The following CACNB2 variants were observed in gnomAD, a reference collection of about 807,000 sequenced individuals.
The protein encoded by CACNB2 is voltage-dependent L-type calcium channel subunit beta-2.
Under a neutral mutation model 73.3 loss-of-function variants are expected in CACNB2, and 42 were observed. That is an observed-to-expected ratio of 0.57 (90% CI 0.45 to 0.74). The LOEUF is 0.74. Among genes scored for constraint, CACNB2 ranks in the 30% least tolerant of loss-of-function variants. The pLI is 0.00. For missense variants in CACNB2, 940 were observed against 853.0 expected (o/e 1.10, Z -1.27); for synonymous variants, 348 against 310.3 (o/e 1.12, Z -1.28).
chr10:18,252,429 C>T (rs183671449), intron 2 of CACNB2, among the ~76,000 whole-genome samples: 4 of 152,082 alleles, frequency 2.6e-5, no homozygotes, highest in African/African-American at 9.7e-5. Context: ...GTTGGCTGCT[C>T]GAAAGCTTAC....
chr10:18,310,817 A>T (rs1589009377), intron 2 of CACNB2, among the ~76,000 whole-genome samples: 1 of 151,496 alleles, frequency 6.6e-6, no homozygotes, highest in East Asian at 2.0e-4. Context: ...TCCTGACCTC[A>T]AGTCATCCAC....
At chr10:18,193,884 G>T (rs570380856) in intron 2 of CACNB2, among the ~76,000 whole-genome samples, 5 of 152,186 alleles carry the variant, frequency 3.3e-5, no homozygotes, top group Admixed American at 6.5e-5. Flanking sequence ...CTTCCATTCT[G>T]CAGGGGAAGA....
intron 2 of CACNB2, among the ~76,000 whole-genome samples, chr10:18,242,966 C>T (rs182611907): frequency 1.4e-4 from 21 of 148,490 alleles, no homozygotes; most frequent in African/African-American, 3.7e-4. Context: ...GCCGAGATTG[C>T]GCCACTGCAC....
At chr10:18,183,061 G>A (rs1216191635) in intron 2 of CACNB2, among the ~76,000 whole-genome samples, 3 of 151,830 alleles carry the variant, frequency 2.0e-5, no homozygotes, top group African/African-American at 7.3e-5. Context: ...TGTGCAGCTG[G>A]GCAGACCTGT....
At chr10:18,265,586 A>C (rs146785391) in intron 2 of CACNB2, among the ~76,000 whole-genome samples, 2 of 152,194 alleles carry the variant, frequency 1.3e-5, no homozygotes, top group Non-Finnish European at 2.9e-5. Context: ...GACAAATGTT[A>C]CTGACAGAGA....
At chr10:18,237,525 A>G (rs1305613884) in intron 2 of CACNB2, among the ~76,000 whole-genome samples, 4 of 152,232 alleles carry the variant, frequency 2.6e-5, no homozygotes, top group South Asian at 2.1e-4. Flanking sequence ...CAGAAATGGC[A>G]TGGCCTTGCC....
Position 18,532,697 on chromosome 10 carries a change from CA to C in CACNB2, c.1055-1375del, listed in dbSNP as rs1187679628. Among the ~76,000 whole-genome samples the C allele has an allele frequency of 1.3e-3, 158 of 125,082 alleles. 1 individual carries two copies. Among genetic ancestry groups the C allele is most frequent in the African/African-American group, 4.9e-3 (155 of 31,574 alleles). The allele number at this position is 125,082 out of a possible 152,430, so 82.1% of individuals were successfully genotyped here. On this transcript the variant is annotated intron_variant, in intron 10 of 13. Coordinates refer to ENST00000324631, the MANE Select transcript of CACNB2 (RefSeq NM_201596.3). ...GTCTCAAAAAAAAAAAAAAAAAAAA[CA>C]AAACAAAAAAACAAACAAACAAAAA...
rs1207128806 is a variant in CACNB2, at chr10:18,338,870, C to CTGG, written c.214-63053_214-63051dup. 2.6e-5 allele frequency among the ~76,000 whole-genome samples: 4 copies of CTGG among 151,462 alleles called. No homozygotes were observed. In the East Asian group the frequency reaches 7.8e-4, roughly 29 times the overall value. ...CCTCCCAACTCAGCCTCCCAAGTAG[C>CTGG]TGGGACCACAGGCACATGCCACCAT... On this transcript the variant is annotated intron_variant, in intron 2 of 13. Coordinates refer to ENST00000324631, the MANE Select transcript of CACNB2 (RefSeq NM_201596.3).
chr10:18,173,400 C>T (rs1347043890), intron 2 of CACNB2, among the ~76,000 whole-genome samples: 2 of 152,164 alleles, frequency 1.3e-5, no homozygotes, highest in East Asian at 3.9e-4. Context: ...AAACTCTATA[C>T]ATGTTGGCTC....
At chr10:18,281,910 C>T (rs6482258) in intron 2 of CACNB2, among the ~76,000 whole-genome samples, 118,423 of 148,434 alleles carry the variant, frequency 0.8, 47,388 homozygotes, top group East Asian at 0.99. Flanking sequence ...AGCTCAGGAG[C>T]TGGAGGTTGC....
chr10:18,184,508 T>C (rs186430980), intron 2 of CACNB2, among the ~76,000 whole-genome samples: 31 of 152,266 alleles, frequency 2.0e-4, no homozygotes, highest in African/African-American at 7.5e-4. Context: ...ACTAACCAAC[T>C]AAAGTCCATA....
intron 10 of CACNB2, chr10:18,531,849 T>TTCG (rs2053064938): frequency 1.6e-4 from 1 of 6,094 alleles, no homozygotes; most frequent in Non-Finnish European, 3.3e-4. Flanking sequence ...TAGAAAGGTG[T>TTCG]TCATTTTTCA....
chr10:18,241,818 A>T (rs1021930613), intron 2 of CACNB2, among the ~76,000 whole-genome samples: 6 of 152,012 alleles, frequency 3.9e-5, no homozygotes, highest in African/African-American at 1.4e-4. Context: ...CAGAGAAATG[A>T]CTTCTGGAAT....
At position 18,543,397 on chromosome 10, in the gene CACNB2, T is replaced by A. The variant is rs2054144222; in HGVS notation, c.*3673T>A. The A allele has an allele frequency of 6.6e-6, 1 of 152,208 alleles. No individual in the cohort carries two copies. The allele number at this position is 152,208 out of a possible 1,614,324, so 9.4% of individuals were successfully genotyped here. On this transcript the variant is annotated 3_prime_UTR_variant, in exon 14 of 14. Coordinates refer to ENST00000324631, the MANE Select transcript of CACNB2 (RefSeq NM_201596.3). ...TGAGTTCTGGATCAAGAGTTTAATT[T>A]CTGCTGCGCTGTACTTTTAACTATT...
chr10:18,414,483 CTTTTTTTTTTTTT>C (rs11384501), intron 3 of CACNB2, among the ~76,000 whole-genome samples: 5 of 132,162 alleles, frequency 3.8e-5, no homozygotes, highest in African/African-American at 6.2e-5. Context: ...TTACTACTAC[CTTTTTTTTTTTTT>C]TTTTTTTTTG....
chr10:18,292,958 T>C (rs1298128263), intron 2 of CACNB2, among the ~76,000 whole-genome samples: 1 of 152,192 alleles, frequency 6.6e-6, no homozygotes, highest in Non-Finnish European at 1.5e-5. Context: ...TTTTTGGCAA[T>C]AATGTAGGAA....
At chr10:18,228,624 G>T (rs1001019301) in intron 2 of CACNB2, among the ~76,000 whole-genome samples, 1 of 152,138 alleles carries the variant, frequency 6.6e-6, no homozygotes, top group Admixed American at 6.5e-5. Flanking sequence ...GTACAAGTTA[G>T]TGTCGGTAGG....
intron 7 of CACNB2, chr10:18,514,915 C>T (rs2051126898): frequency 9.3e-7 from 1 of 1,071,984 alleles, no homozygotes. Context: ...AGATACATAG[C>T]TTGTACTAAA....
At chr10:18,256,830 T>G (rs2037306569) in intron 2 of CACNB2, 1 of 152,220 alleles carries the variant, frequency 6.6e-6, no homozygotes, top group African/African-American at 2.4e-5. Context: ...TAGTCCCAAC[T>G]ACTACTTGGG....
Sources: gnomAD v4.1 joint callset for allele counts (sites outside exome capture counted in the v4.1 genomes callset) on GRCh38, gnomAD v4.1.1 for gene constraint, MANE v1.5 for transcripts, NCBI Gene and HGNC (gene_info 2026-07-23, HGNC 2026-07-21) for gene names.